Variants in FBXL17 observed in about 807,000 individuals in gnomAD.
The protein encoded by FBXL17 is F-box and leucine rich repeat protein 17.
FBXL17 carries 22 observed loss-of-function variants against 66.2 expected under a neutral mutation model. The ratio of observed to expected loss-of-function variants is 0.33; its 90% CI spans 0.24 to 0.47. FBXL17 has a LOEUF of 0.47. Among genes scored for constraint, FBXL17 ranks in the 20% least tolerant of loss-of-function variants. The pLI is 1.00. For missense variants in FBXL17, 878 were observed against 948.2 expected (o/e 0.93, Z 0.97); for synonymous variants, 474 against 400.5 (o/e 1.18, Z -2.19).
intron 7 of FBXL17, among the ~76,000 whole-genome samples, chr5:108,014,628 A>G (rs754543469): frequency 6.6e-6 from 1 of 152,224 alleles, no homozygotes; most frequent in Non-Finnish European, 1.5e-5. Context: ...CCTAGGCAAT[A>G]GGAAAGAATG....
intron 4 of FBXL17, among the ~76,000 whole-genome samples, chr5:108,310,343 C>T (rs541387605): frequency 3.9e-5 from 6 of 152,274 alleles, no homozygotes; most frequent in South Asian, 4.1e-4. Context: ...TCCTTTTCTA[C>T]CCAAATATCT....
In FBXL17 at chr5:108,236,808, A is replaced by AGTCAGT. The variant is rs1322461156; in HGVS notation, c.1507-12581_1507-12580insACTGAC. Among the ~76,000 whole-genome samples the AGTCAGT allele has an allele frequency of 7.2e-5, 11 of 152,288 alleles. No individual in the cohort carries two copies. The East Asian group carries it at 2.1e-3, about 29-fold the overall frequency. On this transcript the variant is annotated intron_variant, in intron 4 of 8. Coordinates refer to ENST00000542267, the MANE Select transcript of FBXL17 (RefSeq NM_001163315.3). ...CAGGCCAAGTAGTCAGTGGGCCCAT[A>AGTCAGT]GGGTACCCTCATCTTCTGAATGCAA...
rs536636532 is a variant in FBXL17 at position 108,311,216 on chromosome 5, G to A, written c.1506+37183C>T. ...GATGGAGTCTCGCCGTTGTTACCCC[G>A]GCTAGACTGCAATGGCGCGATCTCA... is the stretch of plus-strand genomic sequence containing the variant. On this transcript the variant is annotated intron_variant, in intron 4 of 8. Coordinates refer to ENST00000542267, the MANE Select transcript of FBXL17 (RefSeq NM_001163315.3). Among the ~76,000 whole-genome samples, 12 of 151,358 alleles carry A rather than the reference G, an allele frequency of 7.9e-5. No homozygotes were observed. In the East Asian group the frequency reaches 1.6e-3, roughly 20 times the overall value.
At chr5:108,256,679 A>C (rs1756590554) in intron 4 of FBXL17, among the ~76,000 whole-genome samples, 2 of 152,156 alleles carry the variant, frequency 1.3e-5, no homozygotes, top group South Asian at 4.2e-4. Flanking sequence ...AATCTTTCCT[A>C]TGTAGTTGTA....
intron 7 of FBXL17, among the ~76,000 whole-genome samples, chr5:107,895,104 T>C (rs1267192039): frequency 1.3e-5 from 2 of 152,150 alleles, no homozygotes; most frequent in Non-Finnish European, 2.9e-5. Flanking sequence ...TCATGGTTGT[T>C]TTCCTCTGGT....
intron 7 of FBXL17, among the ~76,000 whole-genome samples, chr5:107,975,636 T>C (rs952364688): frequency 3.9e-5 from 6 of 152,134 alleles, no homozygotes; most frequent in African/African-American, 1.4e-4. Flanking sequence ...ATTTAGATAA[T>C]AAAAATAGTG....
In FBXL17 at chr5:107,859,412, T is replaced by C. The variant is rs1462390720; in HGVS notation, c.*2308A>G. ...GCTGTTTTTTTTTTTTTTTTTTTTT[T>C]TTTTTGAGATTAATGCTTTGAGGCT... On this transcript the variant is annotated 3_prime_UTR_variant, in exon 9 of 9. Coordinates refer to ENST00000542267, the MANE Select transcript of FBXL17 (RefSeq NM_001163315.3). The C allele has an allele frequency of 6.8e-6, 1 of 146,560 alleles. No homozygotes were observed. Among genetic ancestry groups the C allele is most frequent in the African/African-American group, 2.5e-5 (1 of 39,494 alleles). 9.1% of individuals were successfully genotyped at this position (146,560 alleles called of 1,614,324 possible). A position where few individuals can be genotyped will look rare whatever the true frequency, so the allele number is the denominator to read the frequency against.
At chr5:108,245,833 C>G (rs1346973221) in intron 4 of FBXL17, among the ~76,000 whole-genome samples, 1 of 152,198 alleles carries the variant, frequency 6.6e-6, no homozygotes, top group African/African-American at 2.4e-5. Flanking sequence ...AAGACATATA[C>G]TCATCTCTCC....
intron 4 of FBXL17, among the ~76,000 whole-genome samples, chr5:108,302,260 T>C (rs1160940274): frequency 6.6e-6 from 1 of 151,810 alleles, no homozygotes; most frequent in African/African-American, 2.4e-5. Context: ...AATACTTCCA[T>C]GAATACACCA....
intron 6 of FBXL17, among the ~76,000 whole-genome samples, chr5:108,040,996 G>A (rs1022064005): frequency 6.6e-6 from 1 of 152,158 alleles, no homozygotes; most frequent in Non-Finnish European, 1.5e-5. Context: ...GTCTTGTAAT[G>A]TATGAATACA....
intron 4 of FBXL17, among the ~76,000 whole-genome samples, chr5:108,310,872 A>C (rs1451808044): frequency 6.6e-6 from 1 of 152,176 alleles, no homozygotes; most frequent in African/African-American, 2.4e-5. Flanking sequence ...CCCAACACCG[A>C]AAGTCCACAG....
At chr5:108,339,662 C>A (rs966872168) in intron 4 of FBXL17, among the ~76,000 whole-genome samples, 1 of 150,778 alleles carries the variant, frequency 6.6e-6, no homozygotes, top group Non-Finnish European at 1.5e-5. Context: ...AAATAATCTA[C>A]TAACCATAAA....
intron 3 of FBXL17, among the ~76,000 whole-genome samples, chr5:108,362,081 T>G (rs978186502): frequency 2.0e-5 from 3 of 152,204 alleles, no homozygotes; most frequent in African/African-American, 7.2e-5. Flanking sequence ...TCTGATAGTT[T>G]AGGCTTGTTT....
rs893738277 is a variant in FBXL17, at chr5:108,309,493, T to C, written c.1506+38906A>G. Among the ~76,000 whole-genome samples the C allele has an allele frequency of 9.9e-5, 15 of 152,054 alleles. 1 individual carries two copies. The South Asian group carries it at 2.9e-3, about 29-fold the overall frequency. ...GAAACAATCAAGATGCCTACCAAGA[T>C]GTAACTACAATACTCATTACAGCAT... On this transcript the variant is annotated intron_variant, in intron 4 of 8. Coordinates refer to ENST00000542267, the MANE Select transcript of FBXL17 (RefSeq NM_001163315.3).
At chr5:108,109,002 C>T (rs996176007) in intron 6 of FBXL17, among the ~76,000 whole-genome samples, 4 of 152,094 alleles carry the variant, frequency 2.6e-5, no homozygotes, top group South Asian at 4.2e-4. Context: ...AGGCTGGTCT[C>T]GAACTCCTGA....
intron 6 of FBXL17, among the ~76,000 whole-genome samples, chr5:108,048,043 C>T (rs979511054): frequency 6.6e-6 from 1 of 152,186 alleles, no homozygotes; most frequent in Non-Finnish European, 1.5e-5. Flanking sequence ...CGATCCTACT[C>T]GCATCATGTT....
chr5:108,258,552 A>T (rs1241986324), intron 4 of FBXL17, among the ~76,000 whole-genome samples: 1 of 152,172 alleles, frequency 6.6e-6, no homozygotes, highest in Non-Finnish European at 1.5e-5. Context: ...CAAAGAAAAA[A>T]ATACAAAATT....
At chr5:108,266,313 A>G (rs73214556) in intron 4 of FBXL17, among the ~76,000 whole-genome samples, 1 of 151,886 alleles carries the variant, frequency 6.6e-6, no homozygotes, top group African/African-American at 2.4e-5. Context: ...TTCCAGAAAT[A>G]AAAAATACAT....
At chr5:108,202,201 T>G (rs1262597527) in intron 5 of FBXL17, among the ~76,000 whole-genome samples, 11 of 152,134 alleles carry the variant, frequency 7.2e-5, no homozygotes, top group Admixed American at 7.2e-4. Context: ...TCGACTCACT[T>G]TATTTGTTAG....
Sources: allele counts gnomAD v4.1 joint callset (sites outside exome capture counted in the v4.1 genomes callset), GRCh38; gene constraint gnomAD v4.1.1; transcripts MANE v1.5; gene names NCBI Gene and HGNC (gene_info 2026-07-23, HGNC 2026-07-21).